SCO1: variants seen among roughly 807,000 people sequenced by gnomAD.
SCO1 encodes cytochrome c oxidase assembly factor SCO1.
A neutral mutation model predicts 34.0 loss-of-function variants in SCO1; 23 were observed. The ratio of observed to expected loss-of-function variants is 0.68; its 90% CI spans 0.49 to 0.96. The LOEUF (loss-of-function observed/expected upper bound fraction) is 0.96. Ranked by LOEUF, SCO1 falls within the 40% of genes least tolerant of loss-of-function variation. The probability of loss-of-function intolerance (pLI) is 0.00; values close to 1 mark genes in which losing one functional copy is unlikely to be tolerated. For missense variants in SCO1, 404 were observed against 381.6 expected, an observed-to-expected ratio of 1.06 and a Z score of -0.49; for synonymous variants, 161 against 145.5, an observed-to-expected ratio of 1.11 and a Z score of -0.77.
intron 2 of SCO1, 93 bp from the exon 3 acceptor site, chr17:10,693,054 C>CACAAA: frequency 9.6e-7 from 1 of 1,036,458 alleles, no homozygotes; most frequent in East Asian, 2.4e-5. Context: ...CTATGCTACT[C>CACAAA]ATGGTGGGGG....
intron 3 of SCO1, 27 bp downstream of exon 3, chr17:10,692,737 T>G: frequency 6.4e-7 from 1 of 1,565,054 alleles, no homozygotes; most frequent in East Asian, 2.2e-5. Flanking sequence ...AACATATACT[T>G]TGTTTAGTTA....
Position 10,697,488 on chromosome 17 carries a change from A to G in SCO1, c.20T>C (p.Val7Ala), listed in dbSNP as rs1277248821. Residue 7 changes from valine to alanine, a missense_variant, in exon 1 of 6, where the codon GTA (valine) becomes GCA (alanine). Val to Ala is a moderately conservative substitution (Grantham distance 64). Transcript: ENST00000255390. Reference protein sequence around the residue: MAMLVLVPGRVMRPLGG... With the variant: MAMLVLAPGRVMRPLGG... ...CAGAGGCCGCATAACTCGTCCGGGT[A>G]CTAGGACCAGCATCGCCATGAGCCT... 2.5e-6 allele frequency: 4 copies of G among 1,613,456 alleles called. No homozygotes were observed. The highest frequency in any genetic ancestry group is 1.3e-5 in the African/African-American group (1 of 75,058).
intron 4 of SCO1, among the ~76,000 whole-genome samples, chr17:10,688,124 C>T (rs1486461286): frequency 6.6e-6 from 1 of 152,086 alleles, no homozygotes; most frequent in Non-Finnish European, 1.5e-5. Context: ...TATACCAAAC[C>T]AAAAGCACTA....
chr17:10,686,649 T>C (rs1054021561), intron 5 of SCO1, 78 bp downstream of exon 5: 2 of 872,126 alleles, frequency 2.3e-6, no homozygotes, highest in Middle Eastern at 2.2e-4. Flanking sequence ...TCTCAGAAGC[T>C]AGTCAGTCAT....
At chr17:10,689,948 A>G (rs1330178594) in intron 4 of SCO1, among the ~76,000 whole-genome samples, 2 of 152,164 alleles carry the variant, frequency 1.3e-5, no homozygotes, top group African/African-American at 4.8e-5. Context: ...ACGCTGGGGA[A>G]AGGACAGTCT....
chr17:10,681,271 G>GA lies in SCO1; in HGVS notation c.772-19dup. ...TGATCCACCTGCAGAGAAAAGGGGGGAGAGTGTGACAAAGATTACCAAAAT... is the reference window on the plus strand; with the variant it reads ...TGATCCACCTGCAGAGAAAAGGGGGGAAGAGTGTGACAAAGATTACCAAAAT... On this transcript the variant is annotated intron_variant, in intron 5 of 5. Coordinates refer to ENST00000255390, the MANE Select transcript of SCO1 (RefSeq NM_004589.4). 2 of 1,613,436 alleles carry GA rather than the reference G, an allele frequency of 1.2e-6. No individual in the cohort carries two copies. Among genetic ancestry groups the GA allele is most frequent in the Non-Finnish European group, 1.7e-6 (2 of 1,179,706 alleles).
chr17:10,675,369 A>T lies in SCO1; in HGVS notation c.*5750T>A, dbSNP rs1346200088. On this transcript the variant is annotated 3_prime_UTR_variant, in exon 6 of 6. Transcript: ENST00000255390. ...TTATCTCTCTGCCCAAGCTACAGCAAATTGCTGAGAGCTGTCCAATGCATT... is the reference window on the plus strand; with the variant it reads ...TTATCTCTCTGCCCAAGCTACAGCATATTGCTGAGAGCTGTCCAATGCATT... 1 of 152,244 alleles carries T rather than the reference A, an allele frequency of 6.6e-6. No individual in the cohort carries two copies. The highest frequency in any genetic ancestry group is 1.5e-5 in the Non-Finnish European group (1 of 68,048). 9.4% of individuals were successfully genotyped at this position (152,244 alleles called of 1,614,324 possible).
At chr17:10,689,064 C>T (rs1316014956) in intron 4 of SCO1, among the ~76,000 whole-genome samples, 6 of 130,640 alleles carry the variant, frequency 4.6e-5, no homozygotes, top group Non-Finnish European at 7.6e-5. Flanking sequence ...TGCAGTGAGC[C>T]GAGATCCCGC....
At chr17:10,683,600 G>A (rs761971373) in intron 5 of SCO1, among the ~76,000 whole-genome samples, 1 of 152,018 alleles carries the variant, frequency 6.6e-6, no homozygotes, top group Non-Finnish European at 1.5e-5. Context: ...GACCACTGCT[G>A]AGCCAAGAGA....
chr17:10,682,235 T>C (rs190908368), intron 5 of SCO1, among the ~76,000 whole-genome samples: 486 of 152,310 alleles, frequency 3.2e-3, no homozygotes, highest in African/African-American at 0.011. Flanking sequence ...AATACCAAAC[T>C]GGAGACACCT....
At chr17:10,689,101 GCGAGA>G (rs1270746043) in intron 4 of SCO1, among the ~76,000 whole-genome samples, 1 of 118,888 alleles carries the variant, frequency 8.4e-6, no homozygotes, top group Non-Finnish European at 1.6e-5. Flanking sequence ...GGGCGACAGA[GCGAGA>G]CTCCGTCTCA....
chr17:10,686,209 T>C (rs947780212), intron 5 of SCO1, among the ~76,000 whole-genome samples: 2 of 152,014 alleles, frequency 1.3e-5, no homozygotes, highest in African/African-American at 4.8e-5. Context: ...ACCACTGCAC[T>C]CCAGCCTGGC....
Position 10,681,268 on chromosome 17 carries a change from G to C in SCO1, c.772-15C>G. 6.2e-7 allele frequency: 1 copy of C among 1,613,684 alleles called. No homozygotes were observed. The highest frequency in any genetic ancestry group is 8.5e-7 in the Non-Finnish European group (1 of 1,179,840). ...GTGTGATCCACCTGCAGAGAAAAGG[G>C]GGGAGAGTGTGACAAAGATTACCAA... On this transcript the variant is annotated splice_polypyrimidine_tract_variant and intron_variant, in intron 5 of 5. Coordinates refer to ENST00000255390, the MANE Select transcript of SCO1 (RefSeq NM_004589.4).
chr17:10,692,050 G>T, intron 3 of SCO1, 86 bp from the exon 4 acceptor site: 1 of 928,694 alleles, frequency 1.1e-6, no homozygotes, highest in Admixed American at 1.8e-5. Flanking sequence ...TATAGGACGT[G>T]CTGGACAGCT....
At position 10,677,036 on chromosome 17, in the gene SCO1, G is replaced by C. The variant is rs1236753668; in HGVS notation, c.*4083C>G. ...AAAAGCACAAACTAGGCCGGGCGCA[G>C]TGGCTCACGCGTGTAATCCCAGCAC... On this transcript the variant is annotated 3_prime_UTR_variant, in exon 6 of 6. Transcript: ENST00000255390. The C allele has an allele frequency of 2.0e-5, 3 of 152,278 alleles. No homozygotes were observed. Among genetic ancestry groups the C allele is most frequent in the Non-Finnish European group, 4.4e-5 (3 of 68,056 alleles). 9.4% of individuals were successfully genotyped at this position (152,278 alleles called of 1,614,324 possible).
At chr17:10,685,245 C>T (rs994641731) in intron 5 of SCO1, among the ~76,000 whole-genome samples, 1 of 152,174 alleles carries the variant, frequency 6.6e-6, no homozygotes, top group Admixed American at 6.5e-5. Context: ...TTTCTTTCTA[C>T]AAAGACAGCT....
chr17:10,681,611 G>C lies in SCO1; in HGVS notation c.772-358C>G, dbSNP rs964092223. On this transcript the variant is annotated intron_variant, in intron 5 of 5. Transcript: ENST00000255390. The stretch of plus-strand genomic sequence containing the variant: ...CAGTCAATGTTTGTGGAATAGCAAT[G>C]CTTGTTGAAAAATACCTTCATTTTT... Among the ~76,000 whole-genome samples, 38 of 152,310 alleles carry C rather than the reference G, an allele frequency of 2.5e-4. 1 individual carries two copies. Among genetic ancestry groups the C allele is most frequent in the Middle Eastern group, 3.4e-3 (1 of 294 alleles).
rs2074610397 is a variant in SCO1 at position 10,679,971 on chromosome 17, G to GC, written c.*1147_*1148insG. 9.6e-6 allele frequency: 1 copy of GC among 104,298 alleles called. No homozygotes were observed. The highest frequency in any genetic ancestry group is 3.8e-5 in the African/African-American group (1 of 26,608). The allele number at this position is 104,298 out of a possible 1,614,324, so 6.5% of individuals were successfully genotyped here. ...CTGTAGAGATGGGGGCGGGGGGGGG[G>GC]GGTCTCACTATGTTGCCCAGGCTTG... On this transcript the variant is annotated 3_prime_UTR_variant, in exon 6 of 6. Transcript: ENST00000255390.
intron 1 of SCO1, among the ~76,000 whole-genome samples, chr17:10,696,073 A>AAAAT (rs2074722018): frequency 7.2e-6 from 1 of 139,172 alleles, no homozygotes; most frequent in Non-Finnish European, 1.5e-5. Flanking sequence ...CATGTAAATA[A>AAAAT]AAAAAAAAAA....
Sources: gnomAD v4.1 joint callset for allele counts (sites outside exome capture counted in the v4.1 genomes callset) on GRCh38, gnomAD v4.1.1 for gene constraint, MANE v1.5 for transcripts, NCBI Gene and HGNC (gene_info 2026-07-23, HGNC 2026-07-21) for gene names.